FMNL3: variants seen among roughly 807,000 people sequenced by gnomAD.
FMNL3 encodes formin like 3.
In FMNL3, 57 loss-of-function variants were observed where a neutral mutation model predicts 119.6. The observed-to-expected ratio is 0.48, with a 90% CI of 0.39 to 0.59. The LOEUF is 0.59. Ranked by LOEUF, FMNL3 falls within the 20% of genes least tolerant of loss-of-function variation. The pLI is 0.00. For synonymous variants in FMNL3, 491 were observed against 507.3 expected (o/e 0.97, Z 0.43); for missense variants, 1,053 against 1,323.5 (o/e 0.80, Z 3.17).
Position 49,642,173 on chromosome 12 carries a change from C to T in FMNL3, c.*3642G>A. 1 of 1,613,180 alleles carries T rather than the reference C, an allele frequency of 6.2e-7. No homozygotes were observed. The highest frequency in any genetic ancestry group is 8.5e-7 in the Non-Finnish European group (1 of 1,179,470). ...TAACTTTCCACCTCCTAAGGTATGCCTGAGTGGGACCTGGCATCCACCCTC... is the reference window on the plus strand; with the variant it reads ...TAACTTTCCACCTCCTAAGGTATGCTTGAGTGGGACCTGGCATCCACCCTC... On this transcript the variant is annotated 3_prime_UTR_variant, in exon 26 of 26. Transcript: ENST00000335154. The surrounding 1 kb of genome is among the most constrained non-coding windows in gnomAD (Gnocchi z 5.8).
intron 1 of FMNL3, among the ~76,000 whole-genome samples, chr12:49,676,520 G>GTTTTT (rs58117011): frequency 1.1e-4 from 11 of 103,016 alleles, no homozygotes; most frequent in South Asian, 3.7e-4. Flanking sequence ...TTCATAGTGG[G>GTTTTT]TTTTTTTTTT....
chr12:49,646,175 T>C (rs921808805), intron 25 of FMNL3, among the ~76,000 whole-genome samples: 1 of 151,952 alleles, frequency 6.6e-6, no homozygotes, highest in Non-Finnish European at 1.5e-5. Flanking sequence ...AGCCAGAAAC[T>C]AGGAAAAGAC....
At chr12:49,652,255 G>A (rs780897077) in intron 13 of FMNL3, 43 bp from the exon 14 acceptor site, 2 of 1,585,356 alleles carry the variant, frequency 1.3e-6, no homozygotes, top group African/African-American at 1.3e-5. Flanking sequence ...TGGGCTGAAG[G>A]CATAGTCATT....
chr12:49,643,263 T>C lies in FMNL3; in HGVS notation c.*2552A>G. On this transcript the variant is annotated 3_prime_UTR_variant, in exon 26 of 26. Coordinates refer to ENST00000335154, the MANE Select transcript of FMNL3 (RefSeq NM_175736.5). Reference sequence around the variant, plus strand: ...GAAGAGGAGCTGCCCCCACCATCTCTCCGGCCCCCCAAGCGGAGGAGGCGG... The same window carrying C: ...GAAGAGGAGCTGCCCCCACCATCTCCCCGGCCCCCCAAGCGGAGGAGGCGG... The C allele has an allele frequency of 6.2e-7, 1 of 1,614,018 alleles. No homozygotes were observed. The highest frequency in any genetic ancestry group is 1.1e-5 in the South Asian group (1 of 91,052).
intron 12 of FMNL3, 102 bp downstream of exon 12, chr12:49,653,623 C>T (rs554181513): frequency 6.5e-7 from 1 of 1,537,448 alleles, no homozygotes; most frequent in Admixed American, 1.8e-5. Context: ...GTTCTAAAGC[C>T]TCCCTGGGAC....
At position 49,674,772 on chromosome 12, in the gene FMNL3, G is replaced by A. The variant is rs993880651; in HGVS notation, c.127-6218C>T. Among the ~76,000 whole-genome samples the A allele has an allele frequency of 4.6e-5, 7 of 152,194 alleles. 1 individual carries two copies. Among genetic ancestry groups the A allele is most frequent in the African/African-American group, 1.2e-4 (5 of 41,438 alleles). On this transcript the variant is annotated intron_variant, in intron 1 of 25. Coordinates refer to ENST00000335154, the MANE Select transcript of FMNL3 (RefSeq NM_175736.5). The stretch of plus-strand genomic sequence containing the variant: ...AGGCTCGGAACCATGTCTGGAGAAC[G>A]TGCTTTTGTGGTCACTGAGGACTCT...
chr12:49,653,076 AATC>A (rs1943456328), intron 13 of FMNL3, 147 bp downstream of exon 13: 5 of 700,244 alleles, frequency 7.1e-6, no homozygotes. Flanking sequence ...AATGGGGTGA[AATC>A]ATCAGCCCAC....
rs192458741 is a variant in FMNL3 at position 49,638,099 on chromosome 12, T to A, written c.*7716A>T. 2.5e-6 allele frequency: 1 copy of A among 404,766 alleles called. No homozygotes were observed. The highest frequency in any genetic ancestry group is 4.7e-5 in the East Asian group (1 of 21,246). The allele number at this position is 404,766 out of a possible 1,614,324, so 25.1% of individuals were successfully genotyped here. On this transcript the variant is annotated 3_prime_UTR_variant, in exon 26 of 26. Transcript: ENST00000335154. ...GAATCTGAAGAACTAACATTTGAAC[T>A]GTGCATTTAGAAATTTGTAGGTGGA... is the stretch of plus-strand genomic sequence containing the variant.
chr12:49,642,271 GAGA>G lies in FMNL3; in HGVS notation c.*3541_*3543del, dbSNP rs758003264. The G allele has an allele frequency of 2.2e-5, 36 of 1,614,076 alleles. No individual in the cohort carries two copies. The highest frequency in any genetic ancestry group is 5.3e-5 in the African/African-American group (4 of 74,934). Reference sequence around the variant, plus strand: ...AGCAGAGGCACGGGAGAGGGAGCGGGAGAAGGAGGAGGCACGCAGGATGCGGCG... The same window carrying G: ...AGCAGAGGCACGGGAGAGGGAGCGGGAGGAGGAGGCACGCAGGATGCGGCG... On this transcript the variant is annotated 3_prime_UTR_variant, in exon 26 of 26. Transcript: ENST00000335154. This position sits in a 1 kb window ranked among gnomAD's most constrained non-coding sequence, Gnocchi z 5.8.
In FMNL3 at chr12:49,666,287, T is replaced by C. The variant is rs1943889452; in HGVS notation, c.211-80A>G. ...GGGCACTGAGGAAGAAGAGCATTCATAGTGTTCAGTGTGAGGGGGACTCAG... is the reference window on the plus strand; with the variant it reads ...GGGCACTGAGGAAGAAGAGCATTCACAGTGTTCAGTGTGAGGGGGACTCAG... On this transcript the variant is annotated intron_variant, in intron 2 of 25. Transcript: ENST00000335154. 3.9e-6 allele frequency: 5 copies of C among 1,291,550 alleles called. No individual in the cohort carries two copies. In the Admixed American group the frequency reaches 7.6e-5, roughly 20 times the overall value. 80.0% of individuals were successfully genotyped at this position (1,291,550 alleles called of 1,614,324 possible). A position where few individuals can be genotyped will look rare whatever the true frequency, so the allele number is the denominator to read the frequency against.
chr12:49,637,378 G>C lies in FMNL3; in HGVS notation c.*8437C>G. 1 of 819,158 alleles carries C rather than the reference G, an allele frequency of 1.2e-6. No individual in the cohort carries two copies. Among genetic ancestry groups the C allele is most frequent in the East Asian group, 2.6e-5 (1 of 38,514 alleles). The allele number at this position is 819,158 out of a possible 1,614,324, so 50.7% of individuals were successfully genotyped here. A position where few individuals can be genotyped will look rare whatever the true frequency, so the allele number is the denominator to read the frequency against. On this transcript the variant is annotated 3_prime_UTR_variant, in exon 26 of 26. Transcript: ENST00000335154. ...CATTTCCTCAATCTTGATTGTCCCT[G>C]CCTCTTCCTCTGCCATTCCCTCTCT...
chr12:49,645,883 C>G lies in FMNL3; in HGVS notation c.3016G>C (p.Val1006Leu), dbSNP rs1943160273. 1 of 1,612,018 alleles carries G rather than the reference C, an allele frequency of 6.2e-7. No homozygotes were observed. Among genetic ancestry groups the G allele is most frequent in the South Asian group, 1.1e-5 (1 of 90,892 alleles). ...IITGLHCQPMVVRHQARSAAP... is the reference protein window; with the variant it reads ...IITGLHCQPMLVRHQARSAAP... ...GCACTCCTGGCTTGGTGGCGAACAACCATAGGCTGGCAGTGGAGGCCTGTG... is the reference window on the plus strand; with the variant it reads ...GCACTCCTGGCTTGGTGGCGAACAAGCATAGGCTGGCAGTGGAGGCCTGTG... The change falls in exon 26 of 26, where the codon GTT becomes CTT. Residue 1006 changes from valine (V) to leucine (L), a missense_variant. By Grantham distance (32) the Val-to-Leu change is conservative (BLOSUM62 1). Transcript: ENST00000335154.
chr12:49,642,970 G>A lies in FMNL3; in HGVS notation c.*2845C>T, dbSNP rs1261520211. 1.2e-6 allele frequency: 2 copies of A among 1,613,852 alleles called. No individual in the cohort carries two copies. The highest frequency in any genetic ancestry group is 3.3e-5 in the Admixed American group (2 of 59,984). ...CTCCACACCAAAGGCCGAAAGCATG[G>A]CAGGAAAGGCAAGAAGCACCATCAC... On this transcript the variant is annotated 3_prime_UTR_variant, in exon 26 of 26. Coordinates refer to ENST00000335154, the MANE Select transcript of FMNL3 (RefSeq NM_175736.5). This position sits in a 1 kb window ranked among gnomAD's most constrained non-coding sequence, Gnocchi z 5.8.
chr12:49,691,703 GA>G (rs1423247768), intron 1 of FMNL3, among the ~76,000 whole-genome samples: 1 of 152,000 alleles, frequency 6.6e-6, no homozygotes, highest in African/African-American at 2.4e-5. Flanking sequence ...GGCTTAGTGC[GA>G]AAAGTAAGAG....
Position 49,707,301 on chromosome 12 carries a change from C to A in FMNL3, c.-121G>T. On this transcript the variant is annotated 5_prime_UTR_variant, in exon 1 of 26. Coordinates refer to ENST00000335154, the MANE Select transcript of FMNL3 (RefSeq NM_175736.5). ...CTCCCCGAGTCCCGACTCCTCGGCC[C>A]CGTCGAGGGCGCCGGGGGTTCCCTG... 1 of 966,610 alleles carries A rather than the reference C, an allele frequency of 1.0e-6. No homozygotes were observed. The highest frequency in any genetic ancestry group is 2.2e-5 in the South Asian group (1 of 45,728). 59.9% of individuals were successfully genotyped at this position (966,610 alleles called of 1,614,324 possible).
intron 1 of FMNL3, among the ~76,000 whole-genome samples, chr12:49,706,680 A>G (rs1945056603): frequency 1.3e-5 from 2 of 152,130 alleles, no homozygotes; most frequent in Non-Finnish European, 2.9e-5. Flanking sequence ...GCGCTTCTGA[A>G]TTCCCCCCAC....
In FMNL3 at chr12:49,637,460, C is replaced by T; in HGVS notation, c.*8355G>A. The T allele has an allele frequency of 6.2e-7, 1 of 1,607,418 alleles. No individual in the cohort carries two copies. The highest frequency in any genetic ancestry group is 2.2e-5 in the East Asian group (1 of 44,846). Reference sequence around the variant, plus strand: ...CTCACTCTCCCTATAACTGGCCTCTCCCTGCTCAGACCTTCCTGGACGAGC... The same window carrying T: ...CTCACTCTCCCTATAACTGGCCTCTTCCTGCTCAGACCTTCCTGGACGAGC... On this transcript the variant is annotated 3_prime_UTR_variant, in exon 26 of 26. Coordinates refer to ENST00000335154, the MANE Select transcript of FMNL3 (RefSeq NM_175736.5).
In FMNL3 at chr12:49,707,217, CT is replaced by C; in HGVS notation, c.-38del. 6.8e-7 allele frequency: 1 copy of C among 1,467,430 alleles called. No homozygotes were observed. Among genetic ancestry groups the C allele is most frequent in the Non-Finnish European group, 9.0e-7 (1 of 1,115,400 alleles). 90.9% of individuals were successfully genotyped at this position (1,467,430 alleles called of 1,614,324 possible). The stretch of plus-strand genomic sequence containing the variant: ...CCCCTCAGGGGCCTCGGCCCCCCAC[CT>C]CCACGCTCCGGAGCTTTCGGCTCCG... On this transcript the variant is annotated 5_prime_UTR_variant, in exon 1 of 26. Transcript: ENST00000335154.
chr12:49,653,100 G>A (rs1943457321), intron 13 of FMNL3, 126 bp downstream of exon 13: 1 of 866,350 alleles, frequency 1.2e-6, no homozygotes, highest in Non-Finnish European at 1.9e-6. Flanking sequence ...CCACACCTGA[G>A]TACCTCAAGG....
Sources: gnomAD v4.1 joint callset for allele counts (sites outside exome capture counted in the v4.1 genomes callset) on GRCh38, gnomAD v4.1.1 for gene constraint, Gnocchi (gnomAD v3.1) non-coding constraint, MANE v1.5 for transcripts, NCBI Gene and HGNC (gene_info 2026-07-23, HGNC 2026-07-21) for gene names.